Variants in CLASP1 observed in about 807,000 individuals in gnomAD.
CLASP1 encodes CLIP-associating protein 1.
In CLASP1, 38 loss-of-function variants were observed where a neutral mutation model predicts 192.3. That is an observed-to-expected ratio of 0.20 (90% CI 0.15 to 0.26). CLASP1 has a LOEUF of 0.26. CLASP1 is among the 10% of genes least tolerant of loss of function. CLASP1 has a pLI of 1.00. For synonymous variants in CLASP1, 691 were observed against 712.8 expected (o/e 0.97, Z 0.49); for missense variants, 1,433 against 1,932.5 (o/e 0.74, Z 4.85).
At chr2:121,349,461 C>A (rs1009626178) in intron 37 of CLASP1, among the ~76,000 whole-genome samples, 2 of 152,142 alleles carry the variant, frequency 1.3e-5, no homozygotes, top group African/African-American at 4.8e-5. Flanking sequence ...AACCTCCGCC[C>A]TAGAAGACTA....
Position 121,517,892 on chromosome 2 carries a change from A to C in CLASP1, c.547-2130T>G, listed in dbSNP as rs532256221. Among the ~76,000 whole-genome samples, 40 of 69,242 alleles carry C rather than the reference A, an allele frequency of 5.8e-4. No homozygotes were observed. In the East Asian group the frequency reaches 0.017, roughly 30 times the overall value. 45.4% of individuals were successfully genotyped at this position (69,242 alleles called of 152,430 possible). A position where few individuals can be genotyped will look rare whatever the true frequency, so the allele number is the denominator to read the frequency against. On this transcript the variant is annotated intron_variant, in intron 6 of 39. Transcript: ENST00000263710. ...TTTTTTTTTTTTTTTTTTTTTTTTT[A>C]GAAAAAGGAGGTAACTGGGTATGGT...
At chr2:121,387,574 A>G (rs1646043574) in intron 31 of CLASP1, among the ~76,000 whole-genome samples, 189 bp downstream of exon 32, 1 of 152,174 alleles carries the variant, frequency 6.6e-6, no homozygotes, top group South Asian at 2.1e-4. Flanking sequence ...ACAACCTGAG[A>G]AAAAACGGCA....
At chr2:121,340,772 G>T in exon 40 of CLASP1, 2 of 972,894 alleles carry the variant, frequency 2.1e-6, no homozygotes, top group South Asian at 2.8e-5. Flanking sequence ...TCCTTGTACT[G>T]ACTGGGCAGC....
At chr2:121,354,882 G>T (rs530655227) in intron 37 of CLASP1, among the ~76,000 whole-genome samples, 24 of 152,266 alleles carry the variant, frequency 1.6e-4, no homozygotes, top group Non-Finnish European at 2.9e-4. Context: ...GCCTCCTGGT[G>T]CTCTTCGGGG....
At chr2:121,594,231 C>T (rs551179200) in intron 2 of CLASP1, among the ~76,000 whole-genome samples, 4 of 148,794 alleles carry the variant, frequency 2.7e-5, no homozygotes, top group East Asian at 2.0e-4. Context: ...ACCCGGGAGG[C>T]GGAGCTTTCA....
intron 8 of CLASP1, among the ~76,000 whole-genome samples, chr2:121,480,234 A>G (rs866930707): frequency 1.2e-4 from 18 of 152,342 alleles, no homozygotes; most frequent in Middle Eastern, 6.8e-3. Context: ...GGAAAACACC[A>G]TCGGAAACTG....
At chr2:121,506,990 CAATAT>C (rs1370341039) in intron 7 of CLASP1, among the ~76,000 whole-genome samples, 1 of 151,978 alleles carries the variant, frequency 6.6e-6, no homozygotes, top group Admixed American at 6.6e-5. Flanking sequence ...TGAGTTGCCA[CAATAT>C]ATTATTTCAA....
At chr2:121,587,853 T>TA (rs2061906811) in intron 2 of CLASP1, among the ~76,000 whole-genome samples, 2 of 128,132 alleles carry the variant, frequency 1.6e-5, no homozygotes, top group African/African-American at 5.7e-5. Context: ...GAAAAAATAA[T>TA]AAAAATATAT....
rs149842475 is a variant in CLASP1, at chr2:121,479,570, T to C, written c.713-9610A>G. On this transcript the variant is annotated intron_variant, in intron 8 of 39. Coordinates refer to ENST00000263710, the Ensembl canonical transcript of CLASP1. The stretch of plus-strand genomic sequence containing the variant: ...ATATTCCTTGCCCATCTGTTTCCTC[T>C]TAATTTTAACCGAAGTTGGATAAAT... Among the ~76,000 whole-genome samples the C allele has an allele frequency of 2.0e-3, 299 of 152,302 alleles. 1 individual carries two copies. Among genetic ancestry groups the C allele is most frequent in the African/African-American group, 6.9e-3 (286 of 41,560 alleles).
chr2:121,517,774 T>C (rs530654414), intron 6 of CLASP1, among the ~76,000 whole-genome samples: 9 of 147,780 alleles, frequency 6.1e-5, no homozygotes, highest in African/African-American at 2.3e-4. Flanking sequence ...GGTAAGAGGA[T>C]TACTCAAGCT....
At chr2:121,367,703 C>T (rs748688170) in exon 35 of CLASP1, 50 of 1,613,972 alleles carry the variant, frequency 3.1e-5, no homozygotes, top group Middle Eastern at 3.3e-4. Context: ...CCCGCGGCCC[C>T]GGGAAGGCGC....
chr2:121,649,046 C>CT (rs1189952313), intron 1 of CLASP1, among the ~76,000 whole-genome samples: 5 of 152,156 alleles, frequency 3.3e-5, no homozygotes, highest in Non-Finnish European at 5.9e-5. Flanking sequence ...GCAGGGGAGA[C>CT]TCGGGTTAGG....
At chr2:121,517,891 T>TTTTA (rs2094351427) in intron 6 of CLASP1, among the ~76,000 whole-genome samples, 3 of 75,174 alleles carry the variant, frequency 4.0e-5, no homozygotes, top group African/African-American at 1.2e-4. Flanking sequence ...TTTTTTTTTT[T>TTTTA]AGAAAAAGGA....
intron 9 of CLASP1, among the ~76,000 whole-genome samples, chr2:121,466,634 T>G (rs1236339168): frequency 6.6e-6 from 1 of 152,208 alleles, no homozygotes; most frequent in Non-Finnish European, 1.5e-5. Flanking sequence ...AATTTGCATG[T>G]AAATGTAAAA....
intron 2 of CLASP1, among the ~76,000 whole-genome samples, chr2:121,549,472 A>G (rs756786650): frequency 1.3e-5 from 2 of 152,102 alleles, no homozygotes; most frequent in Non-Finnish European, 2.9e-5. Flanking sequence ...AGAGATTTAC[A>G]CTCCCACAAA....
chr2:121,556,313 G>A (rs573903527), intron 2 of CLASP1, among the ~76,000 whole-genome samples: 28 of 152,034 alleles, frequency 1.8e-4, no homozygotes, highest in African/African-American at 2.9e-4. Flanking sequence ...AAGGCAAGTC[G>A]TTATCATTTC....
intron 25 of CLASP1, 78 bp downstream of exon 26, chr2:121,407,393 T>C: frequency 6.6e-7 from 1 of 1,509,246 alleles, no homozygotes; most frequent in African/African-American, 1.4e-5. Context: ...CTCCATTAAT[T>C]ATAGGAAATC....
At chr2:121,430,990 AAT>A (rs201020435) in intron 19 of CLASP1, among the ~76,000 whole-genome samples, 8 of 151,670 alleles carry the variant, frequency 5.3e-5, no homozygotes, top group Non-Finnish European at 1.0e-4. Flanking sequence ...AAAAAAAAAA[AAT>A]AGGCCTTTTT....
intron 34 of CLASP1, among the ~76,000 whole-genome samples, chr2:121,371,670 C>T (rs1375592274): frequency 3.3e-5 from 5 of 152,162 alleles, no homozygotes; most frequent in South Asian, 2.1e-4. Context: ...CCTGAGAAAC[C>T]GGCAGTGGGA....
Sources: gnomAD v4.1 joint callset for allele counts (sites outside exome capture counted in the v4.1 genomes callset) on GRCh38, gnomAD v4.1.1 for gene constraint, MANE v1.5 for transcripts, NCBI Gene and HGNC (gene_info 2026-07-23, HGNC 2026-07-21) for gene names.